FBXW8: variants seen among roughly 807,000 people sequenced by gnomAD.
FBXW8 encodes the protein F-box and WD repeat domain containing 8.
In FBXW8, 57 loss-of-function variants were observed where a neutral mutation model predicts 65.3. The ratio of observed to expected loss-of-function variants is 0.87; its 90% CI spans 0.71 to 1.09. The LOEUF (loss-of-function observed/expected upper bound fraction) is 1.09, where lower values mean the gene tolerates loss of function less well. Among genes scored for constraint, FBXW8 ranks in the 50% least tolerant of loss-of-function variants. The pLI is 0.00. For missense variants in FBXW8, 777 were observed against 814.8 expected, an observed-to-expected ratio of 0.95 and a Z score of 0.57; for synonymous variants, 308 against 330.2, an observed-to-expected ratio of 0.93 and a Z score of 0.73.
chr12:117,002,275 C>T (rs1013473057), intron 7 of FBXW8, among the ~76,000 whole-genome samples: 6 of 152,234 alleles, frequency 3.9e-5, no homozygotes, highest in East Asian at 3.9e-4. Flanking sequence ...CGCCTGGCGA[C>T]GCTCAGCAAC....
At chr12:116,981,112 C>T (rs1885276520) in intron 5 of FBXW8, among the ~76,000 whole-genome samples, 1 of 152,172 alleles carries the variant, frequency 6.6e-6, no homozygotes, top group Non-Finnish European at 1.5e-5. Flanking sequence ...GATAATCAGC[C>T]ACACTATTAT....
intron 5 of FBXW8, among the ~76,000 whole-genome samples, chr12:116,966,789 A>G (rs533480186): frequency 6.6e-6 from 1 of 152,012 alleles, no homozygotes; most frequent in South Asian, 2.1e-4. Context: ...ATCTCGGCTC[A>G]CTGCAACCTC....
intron 1 of FBXW8, among the ~76,000 whole-genome samples, chr12:116,916,707 G>A (rs1003238966): frequency 2.0e-4 from 30 of 152,120 alleles, no homozygotes; most frequent in African/African-American, 7.2e-4. Context: ...AGACCAGCCT[G>A]GGCAAAATAG....
chr12:116,990,427 T>A (rs1374205344), intron 7 of FBXW8, among the ~76,000 whole-genome samples: 7 of 152,204 alleles, frequency 4.6e-5, no homozygotes, highest in Non-Finnish European at 1.0e-4. Flanking sequence ...TCCTTTCTCA[T>A]GCTCTAAAAA....
At chr12:116,968,058 C>T (rs1229791708) in intron 5 of FBXW8, among the ~76,000 whole-genome samples, 4 of 152,144 alleles carry the variant, frequency 2.6e-5, no homozygotes, top group Non-Finnish European at 4.4e-5. Flanking sequence ...CTTGAGCCAC[C>T]GCGCCTGGCT....
At chr12:116,975,773 A>G (rs997295817) in intron 5 of FBXW8, among the ~76,000 whole-genome samples, 6 of 152,210 alleles carry the variant, frequency 3.9e-5, no homozygotes, top group Non-Finnish European at 5.9e-5. Flanking sequence ...AGAGGCCTAC[A>G]CAATAAATGA....
intron 5 of FBXW8, among the ~76,000 whole-genome samples, chr12:116,973,221 A>T (rs1212715557): frequency 6.6e-6 from 1 of 152,240 alleles, no homozygotes; most frequent in African/African-American, 2.4e-5. Context: ...CTTATAGTAG[A>T]ATGTCAACTA....
At chr12:116,915,122 G>T (rs1299060054) in intron 1 of FBXW8, among the ~76,000 whole-genome samples, 3 of 152,194 alleles carry the variant, frequency 2.0e-5, no homozygotes, top group Non-Finnish European at 4.4e-5. Flanking sequence ...GATAAATGAT[G>T]ACAAGGTTTA....
At chr12:116,969,571 C>T (rs1296633623) in intron 5 of FBXW8, among the ~76,000 whole-genome samples, 1 of 152,180 alleles carries the variant, frequency 6.6e-6, no homozygotes, top group Non-Finnish European at 1.5e-5. Context: ...AGGAATTTTA[C>T]CTTGTGGGTT....
At chr12:116,940,523 T>G (rs575943505) in intron 2 of FBXW8, among the ~76,000 whole-genome samples, 1 of 143,876 alleles carries the variant, frequency 7.0e-6, no homozygotes, top group Non-Finnish European at 1.5e-5. Flanking sequence ...AGTTTGTGTT[T>G]AAAAAAAAAA....
chr12:116,927,904 A>G (rs1251940847), intron 1 of FBXW8, 119 bp from the exon 2 acceptor site: 4 of 626,086 alleles, frequency 6.4e-6, no homozygotes, highest in Non-Finnish European at 5.6e-6. Flanking sequence ...CTCCTGGGAA[A>G]CAGCCTCATC....
chr12:116,920,947 C>T (rs1027492861), intron 1 of FBXW8, among the ~76,000 whole-genome samples: 1 of 152,186 alleles, frequency 6.6e-6, no homozygotes, highest in Non-Finnish European at 1.5e-5. Flanking sequence ...TGTCTTCTCT[C>T]CTCGCCATGT....
intron 7 of FBXW8, among the ~76,000 whole-genome samples, chr12:117,007,969 G>T (rs1953719151): frequency 6.6e-6 from 1 of 152,194 alleles, no homozygotes; most frequent in Non-Finnish European, 1.5e-5. Context: ...AGATAGTTCG[G>T]ATTCGTTTGA....
In FBXW8 at chr12:117,024,195, C is replaced by T. The variant is rs766875217; in HGVS notation, c.1416C>T (p.Ser472=). The T allele has an allele frequency of 6.8e-6, 11 of 1,614,084 alleles. No homozygotes were observed. Among genetic ancestry groups the T allele is most frequent in the East Asian group, 2.2e-5 (1 of 44,894 alleles). Residue 472 remains serine (S), a synonymous_variant, in exon 9 of 11, where the codon TCC becomes TCT. Coordinates refer to ENST00000652555, the MANE Select transcript of FBXW8 (RefSeq NM_153348.3). ...LRSGNIALSL[S]AHQLRVSAVQ... ...GTGGTAACATCGCCCTGTCGCTCTC[C>T]GCCCATCAGCTCAGGGTCTCTGCTG...
chr12:116,974,756 A>G (rs542130216), intron 5 of FBXW8, among the ~76,000 whole-genome samples: 3 of 152,274 alleles, frequency 2.0e-5, no homozygotes, highest in Non-Finnish European at 4.4e-5. Context: ...AAAAAAGAAT[A>G]TATTGTGTAC....
At chr12:116,923,721 T>A (rs7976495) in intron 1 of FBXW8, among the ~76,000 whole-genome samples, 25,380 of 146,316 alleles carry the variant, frequency 0.17, 2,787 homozygotes, top group African/African-American at 0.33. Context: ...TTAATTAATT[T>A]ATTTATTTAT....
At chr12:117,024,666 A>G (rs1445358718) in intron 9 of FBXW8, among the ~76,000 whole-genome samples, 3 of 152,234 alleles carry the variant, frequency 2.0e-5, no homozygotes, top group African/African-American at 7.2e-5. Context: ...AATAAACAGA[A>G]AAGGGAACTC....
chr12:116,949,589 T>G (rs772181283), intron 3 of FBXW8, 29 bp from the exon 4 acceptor site: 1 of 1,611,116 alleles, frequency 6.2e-7, no homozygotes, highest in African/African-American at 1.3e-5. Context: ...GAGAGCAGTC[T>G]AAACTGCATC....
At chr12:116,914,167 G>C (rs756367050) in intron 1 of FBXW8, among the ~76,000 whole-genome samples, 5 of 152,150 alleles carry the variant, frequency 3.3e-5, no homozygotes, top group Non-Finnish European at 7.4e-5. Context: ...TAGCTACTTG[G>C]GAGGCTGAGG....
Sources: gnomAD v4.1 joint callset for allele counts (sites outside exome capture counted in the v4.1 genomes callset) on GRCh38, gnomAD v4.1.1 for gene constraint, MANE v1.5 for transcripts, NCBI Gene and HGNC (gene_info 2026-07-23, HGNC 2026-07-21) for gene names.